The following KCNH3 variants were observed in gnomAD, a reference collection of about 807,000 sequenced individuals.
KCNH3 encodes the protein voltage-gated inwardly rectifying potassium channel KCNH3.
A neutral mutation model predicts 95.6 loss-of-function variants in KCNH3; 36 were observed. The ratio of observed to expected loss-of-function variants is 0.38; its 90% CI spans 0.29 to 0.50. The LOEUF is 0.50. Among genes scored for constraint, KCNH3 ranks in the 20% least tolerant of loss-of-function variants. The pLI, the probability that KCNH3 is intolerant of heterozygous loss-of-function variation, is 0.95. For synonymous variants in KCNH3, 620 were observed against 646.3 expected, an observed-to-expected ratio of 0.96 and a Z score of 0.62; for missense variants, 1,030 against 1,484.1, an observed-to-expected ratio of 0.69 and a Z score of 5.03.
chr12:49,544,239 TGGACCG>T lies in KCNH3; in HGVS notation c.1048_1053del (p.Asp350_Arg351del). 6.3e-7 allele frequency: 1 copy of T among 1,598,944 alleles called. No homozygotes were observed. Among genetic ancestry groups the T allele is most frequent in the East Asian group, 2.3e-5 (1 of 44,216 alleles). ...CGCCTGCTGCGCCTGCTTCCGCGGC[TGGACCG>T]GTACTCGCAGTACAGCGCCGTGGTG... On this transcript the variant is annotated inframe_deletion, in exon 7 of 15. Transcript: ENST00000257981.
chr12:49,545,268 A>T (rs1442162185), intron 7 of KCNH3, among the ~76,000 whole-genome samples: 1 of 150,102 alleles, frequency 6.7e-6, no homozygotes, highest in East Asian at 2.0e-4. Context: ...TAGCCAAACC[A>T]TTCCATTCCA....
At chr12:49,549,824 G>A (rs1938198788) in intron 9 of KCNH3, among the ~76,000 whole-genome samples, 184 bp downstream of exon 9, 2 of 152,230 alleles carry the variant, frequency 1.3e-5, no homozygotes, top group Admixed American at 6.5e-5. Context: ...CCTCTGAACC[G>A]CAGTTAGGTC....
At position 49,556,379 on chromosome 12, in the gene KCNH3, T is replaced by C; in HGVS notation, c.2478T>C (p.Asp826=). 2.5e-6 allele frequency: 4 copies of C among 1,613,054 alleles called. No homozygotes were observed. Among genetic ancestry groups the C allele is most frequent in the African/African-American group, 1.3e-5 (1 of 75,046 alleles). Residue 826 remains aspartate, a synonymous_variant, in exon 13 of 15, where the codon GAT becomes GAC. Transcript: ENST00000257981. ...GTACCTGGGTTCACAGGGTAGTAGATGGCATTGAAGACGGCTGTGGCTCGG... is the reference window on the plus strand; with the variant it reads ...GTACCTGGGTTCACAGGGTAGTAGACGGCATTGAAGACGGCTGTGGCTCGG... ...VPPDLSPRVV[D]GIEDGCGSDQ... is the part of the protein sequence containing the mutation.
At chr12:49,555,058 G>C (rs17123778) in intron 11 of KCNH3, among the ~76,000 whole-genome samples, 3,409 of 152,220 alleles carry the variant, frequency 0.022, 121 homozygotes, top group African/African-American at 0.078. Context: ...ACCTGGTAGA[G>C]GAGTGGTGGT....
Position 49,557,869 on chromosome 12 carries a change from C to T in KCNH3, c.3168C>T (p.Asp1056=), listed in dbSNP as rs770227184. The T allele has an allele frequency of 1.9e-6, 3 of 1,575,522 alleles. No individual in the cohort carries two copies. The highest frequency in any genetic ancestry group is 1.1e-5 in the South Asian group (1 of 87,050). Reference sequence around the variant, plus strand: ...CAGGGGGCCTGGCCTTGCCCTGGGACCCCCACAGCCTGGAGATGGTGCTTA... The same window carrying T: ...CAGGGGGCCTGGCCTTGCCCTGGGATCCCCACAGCCTGGAGATGGTGCTTA... ...PGSGGLALPW[D]PHSLEMVLIG... The change falls in exon 15 of 15, where the codon GAC becomes GAT. Residue 1056 remains aspartate, a synonymous_variant. Coordinates refer to ENST00000257981, the MANE Select transcript of KCNH3 (RefSeq NM_012284.3).
At position 49,558,284 on chromosome 12, in the gene KCNH3, A is replaced by T. The variant is rs541569453; in HGVS notation, c.*331A>T. On this transcript the variant is annotated 3_prime_UTR_variant, in exon 15 of 15. Transcript: ENST00000257981. ...TCCCCAAATTTTTATATTAAAAAAA[A>T]AAAATAAAATAAACTACTTTGGAAC... 1.9e-3 allele frequency: 759 copies of T among 394,882 alleles called. 3 individuals carry two copies. Among genetic ancestry groups the T allele is most frequent in the African/African-American group, 6.4e-3 (313 of 48,658 alleles). The allele number at this position is 394,882 out of a possible 1,614,324, so 24.5% of individuals were successfully genotyped here. A position where few individuals can be genotyped will look rare whatever the true frequency, so the allele number is the denominator to read the frequency against.
intron 10 of KCNH3, 77 bp downstream of exon 10, chr12:49,550,406 A>G: frequency 6.7e-7 from 1 of 1,502,330 alleles, no homozygotes; most frequent in Non-Finnish European, 8.9e-7. Context: ...AAACCTGGAG[A>G]GGGGACCTCC....
At position 49,549,058 on chromosome 12, in the gene KCNH3, C is replaced by T; in HGVS notation, c.1353C>T (p.Ala451=). 1.2e-6 allele frequency: 2 copies of T among 1,612,546 alleles called. No homozygotes were observed. The highest frequency in any genetic ancestry group is 8.5e-7 in the Non-Finnish European group (1 of 1,179,804). ...TGGGCGGCCCGTCGCTGCGCAGCGC[C>T]TACATCACCTCCCTCTACTTCGCAC... ...ELLGGPSLRS[A]YITSLYFALS... Residue 451 remains alanine, a synonymous_variant, in exon 8 of 15, where the codon GCC becomes GCT. Coordinates refer to ENST00000257981, the MANE Select transcript of KCNH3 (RefSeq NM_012284.3).
rs1004778613 is a variant in KCNH3 at position 49,541,848 on chromosome 12, TCC to T, written c.445+88_445+89del. The stretch of plus-strand genomic sequence containing the variant: ...TTGGCACCCAGTCTGAGTACGGGGG[TCC>T]CCCATGCACCTGCATTCATTTCACT... On this transcript the variant is annotated intron_variant, in intron 3 of 14. Transcript: ENST00000257981. The T allele has an allele frequency of 1.6e-5, 23 of 1,473,204 alleles. No individual in the cohort carries two copies. In the African/African-American group the frequency reaches 2.8e-4, roughly 18 times the overall value. The allele number at this position is 1,473,204 out of a possible 1,614,324, so 91.3% of individuals were successfully genotyped here. A position where few individuals can be genotyped will look rare whatever the true frequency, so the allele number is the denominator to read the frequency against.
At chr12:49,557,123 C>G in intron 13 of KCNH3, 60 bp from the exon 14 acceptor site, 1 of 1,545,628 alleles carries the variant, frequency 6.5e-7, no homozygotes, top group Non-Finnish European at 8.9e-7. Flanking sequence ...GGCCTAGACC[C>G]CCAAATTGCC....
At chr12:49,556,884 G>A (rs1349782502) in intron 13 of KCNH3, 1 of 617,442 alleles carries the variant, frequency 1.6e-6, no homozygotes, top group East Asian at 3.0e-5. Flanking sequence ...AGTGGACAAG[G>A]TAATGAGCTC....
intron 13 of KCNH3, chr12:49,556,858 G>A: frequency 1.6e-6 from 1 of 630,930 alleles, no homozygotes; most frequent in Non-Finnish European, 2.9e-6. Flanking sequence ...GGGTGAAAAT[G>A]TCTCCAGGCC....
At chr12:49,544,814 T>A (rs1288590382) in intron 7 of KCNH3, among the ~76,000 whole-genome samples, 10 of 151,906 alleles carry the variant, frequency 6.6e-5, no homozygotes, top group Non-Finnish European at 1.3e-4. Flanking sequence ...CCACATTTCT[T>A]CTGTCATCTC....
At chr12:49,547,366 T>G (rs775533286) in intron 7 of KCNH3, among the ~76,000 whole-genome samples, 145 of 152,232 alleles carry the variant, frequency 9.5e-4, no homozygotes, top group Non-Finnish European at 1.6e-3. Context: ...TCTTAAAATA[T>G]CAGTCTCCAG....
chr12:49,552,957 C>T (rs565697443), intron 10 of KCNH3, among the ~76,000 whole-genome samples: 2 of 152,246 alleles, frequency 1.3e-5, no homozygotes, highest in Non-Finnish European at 2.9e-5. Flanking sequence ...GAGCAAAAGT[C>T]CAGGAACATG....
Position 49,549,146 on chromosome 12 carries a change from T to C in KCNH3, c.1441T>C (p.Phe481Leu). Reference sequence around the variant, plus strand: ...CGCCAACACGGACACCGAGAAGATCTTCTCCATCTGCACCATGCTCATCGG... The same window carrying C: ...CGCCAACACGGACACCGAGAAGATCCTCTCCATCTGCACCATGCTCATCGG... The part of the protein sequence containing the change: ...VSANTDTEKI[F>L]SICTMLIGAL... Residue 481 changes from phenylalanine (F) to leucine (L), a missense_variant, in exon 8 of 15, where the codon TTC becomes CTC. By Grantham distance (22) the Phe-to-Leu change is conservative. Around this residue, in one of 9 missense-constraint regions of KCNH3, gnomAD observed 13 missense variants for 64.5 expected, o/e 0.20. Transcript: ENST00000257981. 6.2e-7 allele frequency: 1 copy of C among 1,610,136 alleles called. No homozygotes were observed. Among genetic ancestry groups the C allele is most frequent in the Non-Finnish European group, 8.5e-7 (1 of 1,178,554 alleles).
Position 49,557,783 on chromosome 12 carries a change from G to C in KCNH3, c.3082G>C (p.Gly1028Arg), listed in dbSNP as rs1454322158. 4 of 1,607,016 alleles carry C rather than the reference G, an allele frequency of 2.5e-6. No homozygotes were observed. Among genetic ancestry groups the C allele is most frequent in the Non-Finnish European group, 3.4e-6 (4 of 1,175,370 alleles). ...TCCTTCTGAGGAAGGGGCTAGGACT[G>C]GGCCCGCAGAGCCTGTGAGCCAGGC... ...PPPSEEGART[G>R]PAEPVSQAEA... The change falls in exon 15 of 15, where the codon GGG (glycine) becomes CGG (arginine). Residue 1028 changes from glycine to arginine, a missense_variant. Transcript: ENST00000257981.
Position 49,543,976 on chromosome 12 carries a change from A to G in KCNH3, c.885A>G (p.Pro295=). 6.2e-7 allele frequency: 1 copy of G among 1,613,964 alleles called. No individual in the cohort carries two copies. The highest frequency in any genetic ancestry group is 8.5e-7 in the Non-Finnish European group (1 of 1,179,824). The change falls in exon 6 of 15, where the codon CCA becomes CCG. Residue 295 remains proline (P), a synonymous_variant. Transcript: ENST00000257981. ...AGTCGGGCCAGGTGGTGTTTGCCCC[A>G]AAGTCCATTTGCCTCCACTACGTCA... ...VSKSGQVVFA[P]KSICLHYVTT...
chr12:49,555,878 G>C lies in KCNH3; in HGVS notation c.2395G>C (p.Ala799Pro). 1 of 1,607,936 alleles carries C rather than the reference G, an allele frequency of 6.2e-7. No homozygotes were observed. Among genetic ancestry groups the C allele is most frequent in the Non-Finnish European group, 8.5e-7 (1 of 1,176,974 alleles). The change falls in exon 12 of 15, where the codon GCT (alanine) becomes CCT (proline). Residue 799 changes from alanine to proline, a missense_variant. Physicochemically the swap from Ala to Pro is conservative, Grantham distance 27. This residue lies in a region of KCNH3 where 464 missense variants were observed against 493.2 expected (regional missense o/e 0.94). Coordinates refer to ENST00000257981, the MANE Select transcript of KCNH3 (RefSeq NM_012284.3). ...TTTGAAGGCTGAGGCTGGCCCCTCT[G>C]CTCCCCCACGGGCCCTAGAGGGGCT... ...GALKAEAGPSAPPRALEGLRL... is the reference protein window; with the variant it reads ...GALKAEAGPSPPPRALEGLRL...
Sources: gnomAD v4.1 joint callset for allele counts (sites outside exome capture counted in the v4.1 genomes callset) on GRCh38, gnomAD v4.1.1 for gene constraint, gnomAD v4.1.1 regional missense constraint, MANE v1.5 for transcripts, NCBI Gene and HGNC (gene_info 2026-07-23, HGNC 2026-07-21) for gene names.